The following CD5 variants were observed in gnomAD, a reference collection of about 807,000 sequenced individuals.
The protein encoded by CD5 is CD5 molecule, also known as T-cell surface glycoprotein CD5.
A neutral mutation model predicts 60.3 loss-of-function variants in CD5; 36 were observed. That is an observed-to-expected ratio of 0.60 (90% confidence interval 0.46 to 0.79). CD5 has a LOEUF of 0.79. Ranked by LOEUF, CD5 falls within the 30% of genes least tolerant of loss-of-function variation. The pLI, the probability that CD5 is intolerant of heterozygous loss-of-function variation, is 0.00. For missense variants in CD5, 540 were observed against 630.6 expected (o/e 0.86, Z 1.54); for synonymous variants, 230 against 257.6 (o/e 0.89, Z 1.03).
intron 1 of CD5, among the ~76,000 whole-genome samples, chr11:61,106,124 CAAAAAAAAAAA>C (rs36003583): frequency 1.2e-5 from 1 of 81,888 alleles, no homozygotes; most frequent in East Asian, 3.5e-4. Flanking sequence ...GACTCCATCT[CAAAAAAAAAAA>C]AAAAAAAAAG....
At chr11:61,111,933 A>G (rs1355288881) in intron 1 of CD5, among the ~76,000 whole-genome samples, 1 of 152,228 alleles carries the variant, frequency 6.6e-6, no homozygotes, top group Non-Finnish European at 1.5e-5. Context: ...TCCCATGCTC[A>G]TCCTCATGCT....
intron 5 of CD5, 30 bp downstream of exon 5, chr11:61,119,605 A>C (rs749948985): frequency 2.0e-6 from 3 of 1,512,708 alleles, no homozygotes; most frequent in Non-Finnish European, 2.7e-6. Flanking sequence ...GCCCCATGAC[A>C]CCTTCTGCTG....
intron 5 of CD5, among the ~76,000 whole-genome samples, chr11:61,120,163 G>A (rs61898084): frequency 6.6e-6 from 1 of 152,204 alleles, no homozygotes. Context: ...GAGGAGGCAG[G>A]TGAGACTGAG....
chr11:61,115,402 T>C (rs1330995474), intron 2 of CD5, among the ~76,000 whole-genome samples: 2 of 152,140 alleles, frequency 1.3e-5, no homozygotes, highest in African/African-American at 4.8e-5. Flanking sequence ...CCTTGCAAAG[T>C]CTTATTTCCC....
intron 9 of CD5, 91 bp downstream of exon 9, chr11:61,125,242 G>T: frequency 6.9e-7 from 1 of 1,447,312 alleles, no homozygotes; most frequent in East Asian, 2.3e-5. Flanking sequence ...GTCGGGTGAT[G>T]GCCCAAAGAC....
chr11:61,116,295 G>A (rs894510748), intron 2 of CD5, among the ~76,000 whole-genome samples: 2 of 151,908 alleles, frequency 1.3e-5, no homozygotes, highest in African/African-American at 2.4e-5. Context: ...AGTCGCCCCC[G>A]ACGTCGACCC....
upstream of CD5, among the ~76,000 whole-genome samples, chr11:61,100,117 G>T (rs1860643204): frequency 7.5e-6 from 1 of 133,270 alleles, no homozygotes; most frequent in Non-Finnish European, 1.6e-5. Context: ...TCAACATGGA[G>T]ATCACATTCA....
rs1239439744 is a variant in CD5, at chr11:61,121,780, C to T, written c.975C>T (p.Asn325=). ...VCREQQCGSV[N]SYRVLDAGDP... The stretch of plus-strand genomic sequence containing the variant: ...GGGAGCAGCAGTGTGGCAGCGTCAA[C>T]TCCTATCGAGTGCTGGACGCTGGTG... The change falls in exon 6 of 11, where the codon AAC becomes AAT. Residue 325 remains asparagine (N), a synonymous_variant. Transcript: ENST00000347785. 3 of 1,612,206 alleles carry T rather than the reference C, an allele frequency of 1.9e-6. No homozygotes were observed. The highest frequency in any genetic ancestry group is 1.3e-5 in the African/African-American group (1 of 74,906).
chr11:61,116,531 ACCC>A (rs1464396372), intron 2 of CD5, among the ~76,000 whole-genome samples: 7 of 76,908 alleles, frequency 9.1e-5, no homozygotes, highest in African/African-American at 3.9e-4. Context: ...CCACACACAC[ACCC>A]CACACCACAC....
chr11:61,125,234 C>A, intron 9 of CD5, 83 bp downstream of exon 9: 1 of 1,490,746 alleles, frequency 6.7e-7, no homozygotes, highest in Admixed American at 1.8e-5. Flanking sequence ...CCTTGAAGGT[C>A]GGGTGATGGC....
rs1335753428 is a variant in CD5, at chr11:61,118,189, C to T, written c.109C>T (p.Leu37Phe). 1 of 1,613,736 alleles carries T rather than the reference C, an allele frequency of 6.2e-7. No homozygotes were observed. The highest frequency in any genetic ancestry group is 8.5e-7 in the Non-Finnish European group (1 of 1,179,622). Reference sequence around the variant, plus strand: ...CTGACCCCCAGATTTCCAGGCAAGGCTCACCCGTTCCAACTCGAAGTGCCA... The same window carrying T: ...CTGACCCCCAGATTTCCAGGCAAGGTTCACCCGTTCCAACTCGAAGTGCCA... Reference protein sequence around the residue: ...SWYDPDFQARLTRSNSKCQGQ... With the variant: ...SWYDPDFQARFTRSNSKCQGQ... Residue 37 changes from leucine (L) to phenylalanine (F), a missense_variant, in exon 3 of 11, where the codon CTC becomes TTC. Leu to Phe is a conservative substitution (Grantham distance 22, BLOSUM62 0). Coordinates refer to ENST00000347785, the MANE Select transcript of CD5 (RefSeq NM_014207.4). This position sits in a 1 kb window ranked among gnomAD's most constrained non-coding sequence, Gnocchi z 4.7.
upstream of CD5, among the ~76,000 whole-genome samples, chr11:61,098,414 T>C (rs1860610440): frequency 2.6e-5 from 4 of 152,306 alleles, no homozygotes; most frequent in Admixed American, 2.6e-4. Context: ...CCACCCCTCA[T>C]ACTGTCTTAT....
intron 6 of CD5, among the ~76,000 whole-genome samples, chr11:61,122,371 GAT>G (rs1301409358): frequency 9.8e-5 from 14 of 142,312 alleles, no homozygotes; most frequent in African/African-American, 3.6e-4. Flanking sequence ...TGGGTGGATG[GAT>G]GATGGATGGA....
upstream of CD5, chr11:61,102,331 G>A: frequency 1.7e-6 from 1 of 573,640 alleles, no homozygotes; most frequent in Non-Finnish European, 3.1e-6. Context: ...CAGGAAGCTG[G>A]CAGAGGCCAG....
chr11:61,115,624 G>T (rs113973719), intron 2 of CD5, among the ~76,000 whole-genome samples: 2 of 152,304 alleles, frequency 1.3e-5, no homozygotes. Flanking sequence ...AGTGTACACC[G>T]GCCCAGTAAA....
intron 1 of CD5, among the ~76,000 whole-genome samples, chr11:61,113,826 G>A (rs1193866664): frequency 2.0e-5 from 3 of 152,072 alleles, no homozygotes; most frequent in Non-Finnish European, 1.5e-5. Context: ...GCATCACCAC[G>A]CCGAGCTAAT....
chr11:61,118,092 G>A lies in CD5; in HGVS notation c.95-83G>A. 2 of 1,430,960 alleles carry A rather than the reference G, an allele frequency of 1.4e-6. No individual in the cohort carries two copies. Among genetic ancestry groups the A allele is most frequent in the Non-Finnish European group, 1.9e-6 (2 of 1,040,742 alleles). 88.6% of individuals were successfully genotyped at this position (1,430,960 alleles called of 1,614,324 possible). A position where few individuals can be genotyped will look rare whatever the true frequency, so the allele number is the denominator to read the frequency against. The stretch of plus-strand genomic sequence containing the variant: ...CACGGGGCAGGAGGGAGCTCAACTG[G>A]GCGTCCTAGGGAGAGGGCAGTGAGG... On this transcript the variant is annotated intron_variant, in intron 2 of 10. Transcript: ENST00000347785. This position sits in a 1 kb window ranked among gnomAD's most constrained non-coding sequence, Gnocchi z 4.7.
rs561850462 is a variant in CD5, at chr11:61,123,729, C to T, written c.1226-155C>T. 4.6e-5 allele frequency among the ~76,000 whole-genome samples: 7 copies of T among 152,166 alleles called. No individual in the cohort carries two copies. In the East Asian group the frequency reaches 1.2e-3, roughly 25 times the overall value. Reference sequence around the variant, plus strand: ...GAGCAAGTTAGGAAACTGAGGCCTACGAGAGACTCCAGGGGGCAGAGCCCA... The same window carrying T: ...GAGCAAGTTAGGAAACTGAGGCCTATGAGAGACTCCAGGGGGCAGAGCCCA... On this transcript the variant is annotated intron_variant, in intron 7 of 10. Transcript: ENST00000347785.
the CD5 span, among the ~76,000 whole-genome samples, chr11:61,094,894 C>T: frequency 9.2e-5 from 14 of 152,024 alleles, no homozygotes; most frequent in Non-Finnish European, 1.5e-4. Flanking sequence ...TCCCTTGTCT[C>T]GAAGGTATGG....
Sources: allele counts gnomAD v4.1 joint callset (sites outside exome capture counted in the v4.1 genomes callset), GRCh38; gene constraint gnomAD v4.1.1; non-coding constraint Gnocchi (gnomAD v3.1); transcripts MANE v1.5; gene names NCBI Gene and HGNC (gene_info 2026-07-23, HGNC 2026-07-21).